DGCR2: variants seen among roughly 807,000 people sequenced by gnomAD.
DGCR2 encodes the protein DiGeorge syndrome critical region gene 2.
In DGCR2, 24 loss-of-function variants were observed where a neutral mutation model predicts 51.6. That is an observed-to-expected ratio of 0.47 (90% CI 0.34 to 0.65). The LOEUF (loss-of-function observed/expected upper bound fraction) is 0.65. DGCR2 is among the 30% of genes least tolerant of loss of function. The pLI is 0.01. For synonymous variants in DGCR2, 340 were observed against 315.4 expected, an observed-to-expected ratio of 1.08 and a Z score of -0.82; for missense variants, 765 against 772.1, an observed-to-expected ratio of 0.99 and a Z score of 0.11.
At chr22:19,081,500 G>A (rs978400830) in intron 2 of DGCR2, among the ~76,000 whole-genome samples, 1 of 152,166 alleles carries the variant, frequency 6.6e-6, no homozygotes, top group Non-Finnish European at 1.5e-5. Context: ...TGTTGCTGGT[G>A]TATAACATTC....
intron 1 of DGCR2, among the ~76,000 whole-genome samples, chr22:19,112,918 T>C (rs1436943785): frequency 6.9e-6 from 1 of 144,654 alleles, no homozygotes; most frequent in African/African-American, 2.5e-5. Context: ...GTGGTGCGAA[T>C]GCAGTACTTC....
intron 3 of DGCR2, among the ~76,000 whole-genome samples, chr22:19,067,459 G>A (rs1168271519): frequency 6.6e-6 from 1 of 152,162 alleles, no homozygotes; most frequent in Admixed American, 6.5e-5. Context: ...TTGGGAGGCT[G>A]AGGTGGGTGG....
chr22:19,122,096 A>G, intron 1 of DGCR2, 32 bp downstream of exon 1: 1 of 1,435,810 alleles, frequency 7.0e-7, no homozygotes, highest in Non-Finnish European at 9.2e-7. Context: ...CTCGCCGCCC[A>G]GCCCCCACAC....
chr22:19,098,200 C>T (rs1601285369), intron 1 of DGCR2, among the ~76,000 whole-genome samples: 2 of 152,232 alleles, frequency 1.3e-5, no homozygotes, highest in Admixed American at 1.3e-4. Flanking sequence ...GGCATCCCCT[C>T]TCCCCAGGTC....
chr22:19,106,381 G>A (rs1384947354), intron 1 of DGCR2, among the ~76,000 whole-genome samples: 1 of 152,204 alleles, frequency 6.6e-6, no homozygotes, highest in Non-Finnish European at 1.5e-5. Flanking sequence ...ACCATGGCCA[G>A]GGGTTCTGTG....
intron 8 of DGCR2, 26 bp downstream of exon 8, chr22:19,041,781 G>T: frequency 1.2e-6 from 2 of 1,606,360 alleles, no homozygotes; most frequent in Non-Finnish European, 1.7e-6. Context: ...TGGGGACCAG[G>T]GTTGTGGCCC....
intron 2 of DGCR2, among the ~76,000 whole-genome samples, chr22:19,078,320 C>G (rs987147947): frequency 2.0e-5 from 3 of 152,102 alleles, no homozygotes; most frequent in Non-Finnish European, 4.4e-5. Flanking sequence ...ATTCTTTGTA[C>G]TATTACTGTA....
At chr22:19,044,506 G>T (rs559045868) in intron 7 of DGCR2, among the ~76,000 whole-genome samples, 2 of 152,174 alleles carry the variant, frequency 1.3e-5, no homozygotes, top group African/African-American at 4.8e-5. Context: ...ACCCAATGTG[G>T]GCTCTGTGCC....
intron 2 of DGCR2, among the ~76,000 whole-genome samples, chr22:19,084,468 G>A (rs1216138879): frequency 6.7e-6 from 1 of 150,246 alleles, no homozygotes; most frequent in Non-Finnish European, 1.5e-5. Flanking sequence ...GAGAAGTGAG[G>A]GGCCCCTTTG....
intron 6 of DGCR2, among the ~76,000 whole-genome samples, chr22:19,053,130 G>A (rs1211686512): frequency 1.3e-5 from 2 of 152,194 alleles, no homozygotes; most frequent in Admixed American, 6.5e-5. Flanking sequence ...TCTAATCAGA[G>A]CATACCTGGA....
chr22:19,119,813 C>T (rs1286400174), intron 1 of DGCR2, among the ~76,000 whole-genome samples: 1 of 151,910 alleles, frequency 6.6e-6, no homozygotes, highest in Non-Finnish European at 1.5e-5. Flanking sequence ...CATGAAAGGC[C>T]TTCCACCCTG....
intron 2 of DGCR2, among the ~76,000 whole-genome samples, chr22:19,080,563 C>A (rs2082924689): frequency 6.6e-6 from 1 of 152,198 alleles, no homozygotes; most frequent in Non-Finnish European, 1.5e-5. Context: ...TCCTGCGGGG[C>A]ACAGTGGCTC....
chr22:19,094,074 A>AT (rs1186476798), intron 1 of DGCR2, among the ~76,000 whole-genome samples: 1 of 152,270 alleles, frequency 6.6e-6, no homozygotes, highest in Non-Finnish European at 1.5e-5. Context: ...AGATATATAC[A>AT]GATGGCTAGC....
At chr22:19,118,368 C>T (rs542107319) in intron 1 of DGCR2, among the ~76,000 whole-genome samples, 2 of 120,886 alleles carry the variant, frequency 1.7e-5, no homozygotes, top group East Asian at 2.6e-4. Flanking sequence ...GAAACTCCAT[C>T]GCAAACAAAA....
chr22:19,041,541 C>G (rs1249281981), intron 8 of DGCR2: 1 of 606,866 alleles, frequency 1.6e-6, no homozygotes, highest in African/African-American at 1.9e-5. Flanking sequence ...CAGCCTCTGG[C>G]TGACCACACC....
At chr22:19,086,018 T>G (rs1182459872) in intron 2 of DGCR2, among the ~76,000 whole-genome samples, 1 of 152,156 alleles carries the variant, frequency 6.6e-6, no homozygotes, top group East Asian at 1.9e-4. Context: ...AGGACTTGAC[T>G]CTATATCTAT....
intron 1 of DGCR2, among the ~76,000 whole-genome samples, chr22:19,108,185 G>C (rs987960592): frequency 6.6e-6 from 1 of 152,036 alleles, no homozygotes; most frequent in Non-Finnish European, 1.5e-5. Flanking sequence ...GGATTTATTA[G>C]ACAAAAACAG....
At chr22:19,050,045 C>T (rs1555901541) in intron 6 of DGCR2, among the ~76,000 whole-genome samples, 1 of 149,782 alleles carries the variant, frequency 6.7e-6, no homozygotes, top group African/African-American at 2.5e-5. Flanking sequence ...GAGAAAGAGG[C>T]AAAAAAAAAT....
chr22:19,040,967 T>C (rs2073774), intron 9 of DGCR2, 91 bp downstream of exon 9: 451,162 of 1,176,232 alleles, frequency 0.38, 88,190 homozygotes, highest in African/African-American at 0.53. Flanking sequence ...GTGAGGTCCC[T>C]AGGCCTCTGC....
Sources: gnomAD v4.1 joint callset for allele counts (sites outside exome capture counted in the v4.1 genomes callset) on GRCh38, gnomAD v4.1.1 for gene constraint, MANE v1.5 for transcripts, NCBI Gene and HGNC (gene_info 2026-07-23, HGNC 2026-07-21) for gene names.